The following TRPM3 variants were observed in gnomAD, a reference collection of about 807,000 sequenced individuals.
TRPM3 encodes transient receptor potential cation channel subfamily M member 3.
TRPM3 carries 77 observed loss-of-function variants against 181.2 expected under a neutral mutation model. The ratio of observed to expected loss-of-function variants is 0.42; its 90% CI spans 0.35 to 0.51. The LOEUF (loss-of-function observed/expected upper bound fraction) is 0.51, where lower values mean the gene tolerates loss of function less well. TRPM3 is among the 20% of genes least tolerant of loss of function. The pLI, the probability that TRPM3 is intolerant of heterozygous loss-of-function variation, is 0.01. For synonymous variants in TRPM3, 745 were observed against 796.4 expected, an observed-to-expected ratio of 0.94 and a Z score of 1.09; for missense variants, 1,759 against 2,196.7, an observed-to-expected ratio of 0.80 and a Z score of 3.98.
chr9:70,589,650 G>A (rs545268770), intron 22 of TRPM3, among the ~76,000 whole-genome samples: 1 of 152,288 alleles, frequency 6.6e-6, no homozygotes, highest in South Asian at 2.1e-4. Context: ...CACATTGTCA[G>A]CCAAAGATAT....
In TRPM3 at chr9:70,931,591, C is replaced by CT. The variant is rs35707241; in HGVS notation, c.178-67081dup. Among the ~76,000 whole-genome samples, 693 of 146,836 alleles carry CT rather than the reference C, an allele frequency of 4.7e-3. 1 individual carries two copies. The highest frequency in any genetic ancestry group is 6.5e-3 in the Non-Finnish European group (431 of 66,312). ...AGTTAGAATTGATCACCATTTGACTCTTTTTTTTTTGTACTATAATTCTTT... is the reference window on the plus strand; with the variant it reads ...AGTTAGAATTGATCACCATTTGACTCTTTTTTTTTTTGTACTATAATTCTTT... On this transcript the variant is annotated intron_variant, in intron 1 of 25. Transcript: ENST00000677713.
At chr9:70,852,128 CAAAAAAAAAAAAAAAAA>C (rs35682319) in intron 3 of TRPM3, among the ~76,000 whole-genome samples, 2 of 44,912 alleles carry the variant, frequency 4.5e-5, no homozygotes, top group African/African-American at 2.0e-4. Context: ...ACTCTATCTC[CAAAAAAAAAAAAAAAAA>C]AAAAAAAAAA....
At chr9:70,626,492 G>A (rs1004120221) in intron 12 of TRPM3, among the ~76,000 whole-genome samples, 10 of 152,200 alleles carry the variant, frequency 6.6e-5, no homozygotes, top group African/African-American at 9.7e-5. Flanking sequence ...CACAGAAGAC[G>A]TGCATTATGT....
At chr9:70,598,762 G>C (rs1378037522) in intron 20 of TRPM3, 92 bp from the exon 21 acceptor site, 17 of 1,480,280 alleles carry the variant, frequency 1.1e-5, no homozygotes, top group Middle Eastern at 2.3e-4. Context: ...GCTGATGTTA[G>C]TAGCTTGCTT....
chr9:70,919,153 C>A (rs1469412883), intron 1 of TRPM3, among the ~76,000 whole-genome samples: 1 of 152,086 alleles, frequency 6.6e-6, no homozygotes, highest in Admixed American at 6.5e-5. Flanking sequence ...AGATTTTCAC[C>A]CTCAGTAAAA....
At chr9:70,826,288 C>T (rs1728854886) in intron 6 of TRPM3, 1 of 152,186 alleles carries the variant, frequency 6.6e-6, no homozygotes, top group South Asian at 2.1e-4. Flanking sequence ...ACCTACCACC[C>T]ATTGATCACA....
rs1471056498 is a variant in TRPM3, at chr9:70,567,938, A to G, written c.3224-14628T>C. Among the ~76,000 whole-genome samples the G allele has an allele frequency of 6.6e-5, 10 of 152,286 alleles. No homozygotes were observed. In the East Asian group the frequency reaches 1.9e-3, roughly 29 times the overall value. ...ATCATACAAATATACGCATACACAC[A>G]CAGGAGAGAGAGAAGAGAGAGATGA... On this transcript the variant is annotated intron_variant, in intron 22 of 25. Transcript: ENST00000677713.
At chr9:70,990,760 T>A (rs1305569153) in intron 1 of TRPM3, among the ~76,000 whole-genome samples, 1 of 152,138 alleles carries the variant, frequency 6.6e-6, no homozygotes, top group Non-Finnish European at 1.5e-5. Context: ...ATGTTCCCCA[T>A]CCCTCTGGCG....
Position 70,843,105 on chromosome 9 carries a change from A to G in TRPM3, c.699T>C (p.Asp233=), listed in dbSNP as rs1000595579. Residue 233 remains aspartate (D), a synonymous_variant, in exon 5 of 26, where the codon GAT becomes GAC. Transcript: ENST00000677713. ...VNTGVIRHVG[D]ALKDHASKSR... is the part of the protein sequence containing the mutation. ...ACTTAGAGGCATGATCCTTCAAGGCATCGCCAACATGACGAATAACACCTA... is the reference window on the plus strand; with the variant it reads ...ACTTAGAGGCATGATCCTTCAAGGCGTCGCCAACATGACGAATAACACCTA... 14 of 1,606,780 alleles carry G rather than the reference A, an allele frequency of 8.7e-6. No homozygotes were observed. Among genetic ancestry groups the G allele is most frequent in the Non-Finnish European group, 1.0e-5 (12 of 1,178,322 alleles).
chr9:70,643,887 A>G (rs944852386), intron 9 of TRPM3, among the ~76,000 whole-genome samples: 3 of 152,186 alleles, frequency 2.0e-5, no homozygotes, highest in African/African-American at 7.2e-5. Flanking sequence ...TCACTCATTC[A>G]TCTGTTCATT....
chr9:70,789,540 C>G lies in TRPM3; in HGVS notation c.974-5261G>C, dbSNP rs147407959. ...GTTTTGGAATGAAGTAAGCCAATTC[C>G]TTAGTTGATTGCAGTCATTTTTCAT... On this transcript the variant is annotated intron_variant, in intron 6 of 25. Transcript: ENST00000677713. Among the ~76,000 whole-genome samples the G allele has an allele frequency of 5.0e-3, 757 of 152,260 alleles. 3 individuals are homozygous for G. Among genetic ancestry groups the G allele is most frequent in the Middle Eastern group, 0.01 (3 of 294 alleles).
chr9:71,380,279 C>G (rs1372654341), intron 1 of TRPM3, among the ~76,000 whole-genome samples: 2 of 151,678 alleles, frequency 1.3e-5, no homozygotes, highest in Admixed American at 6.6e-5. Flanking sequence ...ATAATATATA[C>G]AAGGCACAAA....
chr9:70,870,539 T>C (rs907144732), intron 1 of TRPM3, among the ~76,000 whole-genome samples: 1 of 151,984 alleles, frequency 6.6e-6, no homozygotes, highest in Non-Finnish European at 1.5e-5. Flanking sequence ...AAGCACTTAT[T>C]CCAAAGGAAT....
chr9:71,416,597 A>G (rs1309277889), intron 1 of TRPM3, among the ~76,000 whole-genome samples: 1 of 151,974 alleles, frequency 6.6e-6, no homozygotes, highest in African/African-American at 2.4e-5. Context: ...AAAAAACATA[A>G]CCAGTAAAAT....
chr9:70,792,116 A>C (rs1305824560), intron 6 of TRPM3, among the ~76,000 whole-genome samples: 1 of 152,118 alleles, frequency 6.6e-6, no homozygotes, highest in African/African-American at 2.4e-5. Context: ...GAACAGACCC[A>C]TCCACTGCAT....
At chr9:70,904,830 T>C (rs369347045) in intron 1 of TRPM3, among the ~76,000 whole-genome samples, 52 of 152,360 alleles carry the variant, frequency 3.4e-4, no homozygotes, top group African/African-American at 1.2e-3. Context: ...TGAACAATGG[T>C]TTCTTTTGAT....
chr9:71,384,854 T>A (rs1184485629), intron 1 of TRPM3, among the ~76,000 whole-genome samples: 1 of 152,308 alleles, frequency 6.6e-6, no homozygotes, highest in East Asian at 1.9e-4. Flanking sequence ...AAAGAAAGAT[T>A]ACTTCTAATG....
At chr9:70,658,868 G>A (rs924589546) in intron 9 of TRPM3, among the ~76,000 whole-genome samples, 7 of 151,978 alleles carry the variant, frequency 4.6e-5, no homozygotes, top group African/African-American at 1.7e-4. Flanking sequence ...GGAATTAACA[G>A]CATGGACTGA....
At chr9:71,251,319 C>A (rs1288409609) in intron 1 of TRPM3, among the ~76,000 whole-genome samples, 1 of 152,122 alleles carries the variant, frequency 6.6e-6, no homozygotes, top group Non-Finnish European at 1.5e-5. Flanking sequence ...CATGTGAACT[C>A]CCCTATCATA....
Sources: gnomAD v4.1 joint callset for allele counts (sites outside exome capture counted in the v4.1 genomes callset) on GRCh38, gnomAD v4.1.1 for gene constraint, MANE v1.5 for transcripts, NCBI Gene and HGNC (gene_info 2026-07-23, HGNC 2026-07-21) for gene names.